PID1: variants seen among roughly 807,000 people sequenced by gnomAD.
The protein encoded by PID1 is PTB-containing, cubilin and LRP1-interacting protein.
A neutral mutation model predicts 19.1 loss-of-function variants in PID1; 10 were observed. The observed-to-expected ratio is 0.52, with a 90% CI of 0.32 to 0.89. PID1 has a LOEUF of 0.89. PID1 is among the 40% of genes least tolerant of loss of function. The probability of loss-of-function intolerance (pLI) is 0.03; values close to 1 mark genes in which losing one functional copy is unlikely to be tolerated. For missense variants in PID1, 248 were observed against 285.3 expected (o/e 0.87, Z 0.94); for synonymous variants, 130 against 116.0 (o/e 1.12, Z -0.78).
intron 2 of PID1, among the ~76,000 whole-genome samples, chr2:229,038,203 A>C (rs56344175): frequency 6.6e-6 from 1 of 152,124 alleles, no homozygotes; most frequent in Non-Finnish European, 1.5e-5. Flanking sequence ...TATATTCTAG[A>C]GAAATGAATA....
intron 1 of PID1, among the ~76,000 whole-genome samples, chr2:229,207,052 C>G (rs943692287): frequency 2.0e-5 from 3 of 152,072 alleles, no homozygotes; most frequent in African/African-American, 7.2e-5. Flanking sequence ...AGACCAATAG[C>G]TTGGGTCTCT....
chr2:229,229,967 C>A (rs1274580341), intron 1 of PID1, among the ~76,000 whole-genome samples: 1 of 152,142 alleles, frequency 6.6e-6, no homozygotes, highest in Non-Finnish European at 1.5e-5. Flanking sequence ...TTATTTAGTT[C>A]TTCTATTTGC....
At chr2:229,228,140 A>C in intron 1 of PID1, 1 of 442,134 alleles carries the variant, frequency 2.3e-6, no homozygotes, top group South Asian at 1.6e-5. Flanking sequence ...AGAACCTGCA[A>C]TTTTGATGGG....
chr2:229,150,343 G>A (rs1454719669), intron 2 of PID1, among the ~76,000 whole-genome samples: 1 of 152,028 alleles, frequency 6.6e-6, no homozygotes, highest in Non-Finnish European at 1.5e-5. Context: ...TGCCTCAGGG[G>A]CCAGGAGAAG....
chr2:229,056,715 G>A (rs1694110230), intron 2 of PID1, among the ~76,000 whole-genome samples: 1 of 151,622 alleles, frequency 6.6e-6, no homozygotes, highest in African/African-American at 2.4e-5. Context: ...TAATCAAAAG[G>A]TGTTCACACA....
At position 229,124,400 on chromosome 2, in the gene PID1, TA is replaced by T. The variant is rs892642551; in HGVS notation, c.177+31417del. ...TTTCCCTATTTTGGGTAAAGAAAAC[TA>T]AAAAAAAAGTTAGAGGAAAGAGAAA... On this transcript the variant is annotated intron_variant, in intron 2 of 2. Transcript: ENST00000392055. 6.6e-5 allele frequency among the ~76,000 whole-genome samples: 10 copies of T among 150,748 alleles called. No individual in the cohort carries two copies. The East Asian group carries it at 9.7e-4, about 15-fold the overall frequency.
intron 1 of PID1, among the ~76,000 whole-genome samples, chr2:229,257,833 T>C (rs1399539071): frequency 2.6e-5 from 4 of 152,228 alleles, no homozygotes; most frequent in African/African-American, 9.6e-5. Flanking sequence ...TGTCTAGTTT[T>C]CAGTTGCCAT....
intron 1 of PID1, among the ~76,000 whole-genome samples, chr2:229,211,654 C>T (rs1179318828): frequency 6.6e-6 from 1 of 152,196 alleles, no homozygotes; most frequent in Non-Finnish European, 1.5e-5. Context: ...TCTATCTCTT[C>T]TACAGAATGT....
intron 2 of PID1, among the ~76,000 whole-genome samples, chr2:229,081,594 A>G (rs536172793): frequency 6.6e-6 from 1 of 152,318 alleles, no homozygotes; most frequent in East Asian, 1.9e-4. Flanking sequence ...CAGCAGCATG[A>G]TGAAACCACT....
intron 1 of PID1, among the ~76,000 whole-genome samples, chr2:229,235,876 C>G (rs1319096666): frequency 6.6e-6 from 1 of 152,050 alleles, no homozygotes; most frequent in Non-Finnish European, 1.5e-5. Context: ...GACGGGGGGC[C>G]AGGCAGGAGG....
At chr2:229,080,012 C>A (rs1266501369) in intron 2 of PID1, among the ~76,000 whole-genome samples, 1 of 152,076 alleles carries the variant, frequency 6.6e-6, no homozygotes, top group South Asian at 2.1e-4. Context: ...AAGGCAGCTG[C>A]AGTCCAGCAA....
chr2:229,129,965 T>C (rs1432574802), intron 2 of PID1, among the ~76,000 whole-genome samples: 1 of 152,210 alleles, frequency 6.6e-6, no homozygotes, highest in African/African-American at 2.4e-5. Flanking sequence ...AAAGAAGCTA[T>C]GACCAGCTCC....
intron 1 of PID1, among the ~76,000 whole-genome samples, chr2:229,255,778 C>A (rs1193572718): frequency 6.6e-6 from 1 of 152,142 alleles, no homozygotes; most frequent in Non-Finnish European, 1.5e-5. Flanking sequence ...CCCAGATGCT[C>A]TGGATTAGAA....
chr2:229,262,789 C>T (rs1690493073), intron 1 of PID1: 1 of 1,551,402 alleles, frequency 6.4e-7, no homozygotes, highest in African/African-American at 1.4e-5. Context: ...CAGGTGGTTG[C>T]CAGCAATCCT....
At chr2:229,149,884 C>T (rs1690212956) in intron 2 of PID1, among the ~76,000 whole-genome samples, 1 of 152,048 alleles carries the variant, frequency 6.6e-6, no homozygotes, top group Non-Finnish European at 1.5e-5. Context: ...GCTGCAGAAT[C>T]AAGACATGGA....
intron 2 of PID1, among the ~76,000 whole-genome samples, chr2:229,114,241 G>C (rs1019949815): frequency 3.4e-5 from 5 of 147,416 alleles, no homozygotes; most frequent in African/African-American, 1.2e-4. Flanking sequence ...CTGTTTCTTT[G>C]AAGAACTCTA....
chr2:229,065,451 T>C (rs1694303958), intron 2 of PID1, among the ~76,000 whole-genome samples: 1 of 152,170 alleles, frequency 6.6e-6, no homozygotes, highest in South Asian at 2.1e-4. Flanking sequence ...CTGGAAGTAT[T>C]TGCTGTCATA....
chr2:229,084,032 T>G lies in PID1; in HGVS notation c.178-57924A>C, dbSNP rs772442704. 8.9e-4 allele frequency among the ~76,000 whole-genome samples: 135 copies of G among 152,208 alleles called. 2 individuals are homozygous for G. The highest frequency in any genetic ancestry group is 4.6e-4 in the Admixed American group (7 of 15,278). On this transcript the variant is annotated intron_variant, in intron 2 of 2. Transcript: ENST00000392055. ...AATAGGAAACATTTACTTCAGTGAA[T>G]GATTATAAACAGAAGACACTTGAGA...
In PID1 at chr2:229,071,484, A is replaced by G. The variant is rs114323219; in HGVS notation, c.178-45376T>C. Among the ~76,000 whole-genome samples, 808 of 152,334 alleles carry G rather than the reference A, an allele frequency of 5.3e-3. 9 individuals carry two copies. The highest frequency in any genetic ancestry group is 0.019 in the African/African-American group (789 of 41,580). Reference sequence around the variant, plus strand: ...CATTATGTCATTTCATAACAATCCTATGAGGTAGATACTGTTATTATCCCA... The same window carrying G: ...CATTATGTCATTTCATAACAATCCTGTGAGGTAGATACTGTTATTATCCCA... On this transcript the variant is annotated intron_variant, in intron 2 of 2. Transcript: ENST00000392055.
Sources: gnomAD v4.1 joint callset for allele counts (sites outside exome capture counted in the v4.1 genomes callset) on GRCh38, gnomAD v4.1.1 for gene constraint, MANE v1.5 for transcripts, NCBI Gene and HGNC (gene_info 2026-07-23, HGNC 2026-07-21) for gene names.